TUT4: variants seen among roughly 807,000 people sequenced by gnomAD.
TUT4 encodes terminal uridylyltransferase 4.
A neutral mutation model predicts 192.2 loss-of-function variants in TUT4; 36 were observed. The observed-to-expected ratio is 0.19, with a 90% CI of 0.14 to 0.25. The LOEUF (loss-of-function observed/expected upper bound fraction) is 0.25. Ranked by LOEUF, TUT4 falls within the 10% of genes least tolerant of loss-of-function variation. The probability of loss-of-function intolerance (pLI) is 1.00; values close to 1 mark genes in which losing one functional copy is unlikely to be tolerated. For synonymous variants in TUT4, 618 were observed against 666.0 expected (o/e 0.93, Z 1.11); for missense variants, 1,493 against 1,957.2 (o/e 0.76, Z 4.47).
chr1:52,477,605 T>C (rs577713658), intron 12 of TUT4, 103 bp downstream of exon 12: 5 of 1,064,078 alleles, frequency 4.7e-6, no homozygotes, highest in South Asian at 3.6e-5. Flanking sequence ...TCTAGTGACA[T>C]ATATATATAG....
intron 20 of TUT4, among the ~76,000 whole-genome samples, chr1:52,456,398 C>T (rs182141823): frequency 5.4e-4 from 53 of 97,292 alleles, no homozygotes; most frequent in Middle Eastern, 0.014. Flanking sequence ...GGCAACAGAG[C>T]GAGACTGTGT....
intron 9 of TUT4, among the ~76,000 whole-genome samples, chr1:52,484,940 A>T (rs9629023): frequency 0.088 from 13,329 of 152,194 alleles, 1,926 homozygotes; most frequent in African/African-American, 0.3. Flanking sequence ...AATGTCATTC[A>T]TTCTATCATT....
Position 52,449,066 on chromosome 1 carries a change from TACAC to T in TUT4, c.3436-2403_3436-2400del, listed in dbSNP as rs144045393. ...CAGAAGCACTAATGCTATACACTTT[TACAC>T]ACACACACACACAGACACACACACA... On this transcript the variant is annotated intron_variant, in intron 20 of 29. Coordinates refer to ENST00000257177, the MANE Select transcript of TUT4 (RefSeq NM_001009881.3). Among the ~76,000 whole-genome samples, 2,182 of 150,648 alleles carry T rather than the reference TACAC, an allele frequency of 0.014. 99 individuals are homozygous for T. In the East Asian group the frequency reaches 0.16, roughly 11 times the overall value.
At chr1:52,434,973 T>C (rs561214960) in intron 27 of TUT4, 1 of 154,148 alleles carries the variant, frequency 6.5e-6, no homozygotes, top group Non-Finnish European at 1.4e-5. Context: ...GCAAGCAAAA[T>C]GCCATGTATA....
intron 1 of TUT4, among the ~76,000 whole-genome samples, chr1:52,536,725 G>A (rs1360923006): frequency 6.6e-6 from 1 of 152,096 alleles, no homozygotes; most frequent in East Asian, 1.9e-4. Flanking sequence ...GTGGTGGTGG[G>A]TGCTTGTAAT....
chr1:52,508,421 A>G (rs78633392), intron 4 of TUT4, among the ~76,000 whole-genome samples: 6 of 151,858 alleles, frequency 4.0e-5, no homozygotes, highest in Non-Finnish European at 8.8e-5. Context: ...ATTCCTAATT[A>G]TTATCACCTA....
In TUT4 at chr1:52,423,735, C is replaced by T. The variant is rs1007999727; in HGVS notation, c.*200G>A. The T allele has an allele frequency of 7.8e-7, 1 of 1,276,530 alleles. No homozygotes were observed. Among genetic ancestry groups the T allele is most frequent in the Admixed American group, 2.2e-5 (1 of 46,078 alleles). The allele number at this position is 1,276,530 out of a possible 1,614,324, so 79.1% of individuals were successfully genotyped here. On this transcript the variant is annotated 3_prime_UTR_variant, in exon 30 of 30. Transcript: ENST00000257177. ...CATATTTATATACAAATAATACAGT[C>T]TGTAAAAACAGTCTTAGAATTTAAA...
At chr1:52,541,505 C>G (rs1336975205) in intron 1 of TUT4, among the ~76,000 whole-genome samples, 6 of 151,396 alleles carry the variant, frequency 4.0e-5, no homozygotes, top group Admixed American at 1.3e-4. Flanking sequence ...GCGCTCCAGC[C>G]TGGGTGACAG....
intron 1 of TUT4, among the ~76,000 whole-genome samples, chr1:52,536,604 G>C (rs1232780727): frequency 6.7e-6 from 1 of 148,926 alleles, no homozygotes; most frequent in Admixed American, 6.7e-5. Flanking sequence ...TGTAATCCCA[G>C]CACTTTGGGA....
At chr1:52,446,516 A>G in intron 21 of TUT4, 74 bp from the exon 22 acceptor site, 2 of 1,546,212 alleles carry the variant, frequency 1.3e-6, no homozygotes, top group Non-Finnish European at 1.7e-6. Context: ...AAATTTAAGT[A>G]AAATTATTAA....
intron 3 of TUT4, 45 bp downstream of exon 3, chr1:52,515,846 T>C: frequency 6.2e-7 from 1 of 1,610,618 alleles, no homozygotes; most frequent in South Asian, 1.1e-5. Flanking sequence ...AAAACAGTTA[T>C]GAAACACACA....
chr1:52,496,031 G>GT (rs1672359210), intron 5 of TUT4, among the ~76,000 whole-genome samples: 1 of 152,004 alleles, frequency 6.6e-6, no homozygotes, highest in Non-Finnish European at 1.5e-5. Flanking sequence ...AAGAAAAGCA[G>GT]TAACACACTA....
rs1471692990 is a variant in TUT4 at position 52,423,619 on chromosome 1, A to G, written c.*316T>C. 2 of 396,922 alleles carry G rather than the reference A, an allele frequency of 5.0e-6. No individual in the cohort carries two copies. The highest frequency in any genetic ancestry group is 1.2e-4 in the East Asian group (2 of 16,304). The allele number at this position is 396,922 out of a possible 1,614,324, so 24.6% of individuals were successfully genotyped here. ...TCTCTTTATACAATTCATCAAGGTT[A>G]AACAAAACATAAAATTCCCTTAAAA... On this transcript the variant is annotated 3_prime_UTR_variant, in exon 30 of 30. Coordinates refer to ENST00000257177, the MANE Select transcript of TUT4 (RefSeq NM_001009881.3).
intron 1 of TUT4, among the ~76,000 whole-genome samples, chr1:52,548,826 C>T (rs1688709279): frequency 6.6e-6 from 1 of 152,210 alleles, no homozygotes; most frequent in African/African-American, 2.4e-5. Flanking sequence ...TAGTGGTGAA[C>T]ATCAAACTTG....
At chr1:52,455,488 A>C (rs1660622733) in intron 20 of TUT4, among the ~76,000 whole-genome samples, 1 of 151,084 alleles carries the variant, frequency 6.6e-6, no homozygotes, top group Non-Finnish European at 1.5e-5. Flanking sequence ...GTGCACCCGT[A>C]GTCCCAGCTA....
rs1231618505 is a variant in TUT4, at chr1:52,544,586, C to T, written c.-94+8345G>A. Among the ~76,000 whole-genome samples the T allele has an allele frequency of 2.0e-5, 3 of 152,092 alleles. No individual in the cohort carries two copies. In the East Asian group the frequency reaches 5.8e-4, roughly 29 times the overall value. On this transcript the variant is annotated intron_variant, in intron 1 of 29. Transcript: ENST00000257177. ...TAACTATAAAACCATAACTAAGAAA[C>T]ATAAAACTATAAGGCTCTTAGACGA...
intron 27 of TUT4, chr1:52,432,918 C>G (rs534761978): frequency 1.3e-5 from 2 of 152,508 alleles, no homozygotes; most frequent in South Asian, 2.1e-4. Flanking sequence ...AAGACGCTGT[C>G]TCAAAAATGA....
At chr1:52,451,300 C>G (rs991161487) in intron 20 of TUT4, among the ~76,000 whole-genome samples, 3 of 151,272 alleles carry the variant, frequency 2.0e-5, no homozygotes, top group African/African-American at 7.3e-5. Context: ...AATAAGAATA[C>G]AGAGAGTAAT....
At chr1:52,465,413 G>T (rs754599218) in intron 15 of TUT4, among the ~76,000 whole-genome samples, 2 of 152,112 alleles carry the variant, frequency 1.3e-5, no homozygotes, top group Non-Finnish European at 2.9e-5. Context: ...CATTCAACAC[G>T]TCTGAACTAT....
Sources: allele counts gnomAD v4.1 joint callset (sites outside exome capture counted in the v4.1 genomes callset), GRCh38; gene constraint gnomAD v4.1.1; transcripts MANE v1.5; gene names NCBI Gene and HGNC (gene_info 2026-07-23, HGNC 2026-07-21).